COL9A1: variants seen among roughly 807,000 people sequenced by gnomAD.
The protein encoded by COL9A1 is collagen type IX alpha 1 chain, also known as collagen alpha-1(IX) chain.
Under a neutral mutation model 142.6 loss-of-function variants are expected in COL9A1, and 104 were observed. That is an observed-to-expected ratio of 0.73 (90% CI 0.62 to 0.86). The LOEUF is 0.86. Among genes scored for constraint, COL9A1 ranks in the 40% least tolerant of loss-of-function variants. The probability of loss-of-function intolerance (pLI) is 0.00; values close to 1 mark genes in which losing one functional copy is unlikely to be tolerated. For missense variants in COL9A1, 1,210 were observed against 1,176.6 expected (o/e 1.03, Z -0.42); for synonymous variants, 466 against 396.0 (o/e 1.18, Z -2.10).
intron 31 of COL9A1, 105 bp downstream of exon 31, chr6:70,241,314 G>C: frequency 1.1e-6 from 1 of 927,500 alleles, no homozygotes; most frequent in Admixed American, 1.7e-5. Context: ...AAAACTGTTA[G>C]CCTTCATGGT....
intron 10 of COL9A1, among the ~76,000 whole-genome samples, chr6:70,277,984 T>G (rs930675151): frequency 6.6e-6 from 1 of 152,200 alleles, no homozygotes; most frequent in Non-Finnish European, 1.5e-5. Context: ...TTACTGCATT[T>G]CATTATTCTC....
At chr6:70,277,903 A>G (rs1301130424) in intron 10 of COL9A1, among the ~76,000 whole-genome samples, 1 of 152,216 alleles carries the variant, frequency 6.6e-6, no homozygotes, top group Non-Finnish European at 1.5e-5. Context: ...CCAAGAAAGG[A>G]CTGTTGAAGC....
rs370460481 is a variant in COL9A1 at position 70,300,186 on chromosome 6, G to C, written c.167-11C>G. ...AGATCAGATCAAACCCTATAGAATG[G>C]GAATACAAAATGAAAAGTCTAAAAT... On this transcript the variant is annotated splice_polypyrimidine_tract_variant and intron_variant, in intron 3 of 37. Transcript: ENST00000357250. 6.2e-7 allele frequency: 1 copy of C among 1,613,360 alleles called. No homozygotes were observed. The highest frequency in any genetic ancestry group is 8.5e-7 in the Non-Finnish European group (1 of 1,179,730).
chr6:70,264,370 T>C (rs546566680), intron 18 of COL9A1, among the ~76,000 whole-genome samples: 1 of 152,162 alleles, frequency 6.6e-6, no homozygotes, highest in African/African-American at 2.4e-5. Context: ...TCTTGATTTT[T>C]TAAACAAATT....
intron 4 of COL9A1, 69 bp from the exon 5 acceptor site, chr6:70,294,632 C>T (rs547272994): frequency 1.4e-6 from 2 of 1,435,484 alleles, no homozygotes; most frequent in Non-Finnish European, 1.9e-6. Flanking sequence ...ACCACATTCC[C>T]TTTTGAGGCC....
chr6:70,277,003 C>G (rs992757030), intron 10 of COL9A1, among the ~76,000 whole-genome samples: 2 of 152,176 alleles, frequency 1.3e-5, no homozygotes, highest in Non-Finnish European at 2.9e-5. Flanking sequence ...CTACACTGAT[C>G]TTTTAGAATA....
chr6:70,271,659 G>T lies in COL9A1; in HGVS notation c.1139C>A (p.Pro380His). ...GLPGELGRVG[P>H]VGDPGRRGPP... ...AAAGTGCACTGTGGTACTCACAACA[G>T]GTCCTACACGGCCAAGCTCTCCAGG... Residue 380 changes from proline (P) to histidine (H), a missense_variant, in exon 14 of 38, where the codon CCT becomes CAT. Transcript: ENST00000357250. 1.9e-6 allele frequency: 3 copies of T among 1,613,734 alleles called. No individual in the cohort carries two copies. Among genetic ancestry groups the T allele is most frequent in the Non-Finnish European group, 2.5e-6 (3 of 1,179,718 alleles).
chr6:70,266,778 A>G lies in COL9A1; in HGVS notation c.1288-8T>C, dbSNP rs188976670. On this transcript the variant is annotated splice_polypyrimidine_tract_variant and splice_region_variant and intron_variant, in intron 17 of 37. Coordinates refer to ENST00000357250, the MANE Select transcript of COL9A1 (RefSeq NM_001851.6). Reference sequence around the variant, plus strand: ...TTTAGCCCCTTTATGACCCTAACAAATGCAAAATAAGTAATTGTCTTGAGT... The same window carrying G: ...TTTAGCCCCTTTATGACCCTAACAAGTGCAAAATAAGTAATTGTCTTGAGT... 6 of 1,611,606 alleles carry G rather than the reference A, an allele frequency of 3.7e-6. No homozygotes were observed. In the East Asian group the frequency reaches 1.1e-4, roughly 30 times the overall value.
At chr6:70,260,797 G>C in intron 19 of COL9A1, 87 bp from the exon 20 acceptor site, 1 of 1,261,848 alleles carries the variant, frequency 7.9e-7, no homozygotes, top group Non-Finnish European at 1.1e-6. Flanking sequence ...CTAGACAATG[G>C]ATATTATCAT....
At chr6:70,242,873 T>G (rs1037933648) in intron 28 of COL9A1, among the ~76,000 whole-genome samples, 158 bp from the exon 29 acceptor site, 25 of 152,266 alleles carry the variant, frequency 1.6e-4, no homozygotes, top group African/African-American at 5.8e-4. Context: ...TCATCTTGCA[T>G]TGAATGATTC....
At position 70,283,836 on chromosome 6, in the gene COL9A1, A is replaced by G. The variant is rs2127599962; in HGVS notation, c.697-16T>C. 6.3e-7 allele frequency: 1 copy of G among 1,589,296 alleles called. No individual in the cohort carries two copies. Among genetic ancestry groups the G allele is most frequent in the Non-Finnish European group, 8.6e-7 (1 of 1,164,232 alleles). On this transcript the variant is annotated splice_polypyrimidine_tract_variant and intron_variant, in intron 5 of 37. Coordinates refer to ENST00000357250, the MANE Select transcript of COL9A1 (RefSeq NM_001851.6). The stretch of plus-strand genomic sequence containing the variant: ...GAAGTTCAAACTGGAGAAAGGTAGT[A>G]GACAGTCAGGTAAGGTTTTTTGGAC...
intron 5 of COL9A1, among the ~76,000 whole-genome samples, chr6:70,286,735 T>C (rs1377571463): frequency 6.6e-6 from 1 of 152,160 alleles, no homozygotes; most frequent in Admixed American, 6.5e-5. Context: ...GCCTCAAAAT[T>C]AGAAAATTTC....
chr6:70,243,221 C>T (rs1770376865), intron 28 of COL9A1, among the ~76,000 whole-genome samples: 1 of 152,126 alleles, frequency 6.6e-6, no homozygotes, highest in African/African-American at 2.4e-5. Flanking sequence ...TTCAAAAAGA[C>T]ACAGATGGTA....
At position 70,281,014 on chromosome 6, in the gene COL9A1, G is replaced by C; in HGVS notation, c.902C>G (p.Pro301Arg). The stretch of plus-strand genomic sequence containing the variant: ...CTCCAATCAACTTACCGGGGGGCCC[G>C]GGGGGCCCTTAGGACCTCGGTCACC... ...IDGDRGPKGPPGPPGPAGEPG... is the reference protein window; with the variant it reads ...IDGDRGPKGPRGPPGPAGEPG... Residue 301 changes from proline (P) to arginine (R), a missense_variant, in exon 9 of 38, where the codon CCG becomes CGG. Transcript: ENST00000357250. 1 of 1,612,228 alleles carries C rather than the reference G, an allele frequency of 6.2e-7. No individual in the cohort carries two copies. Among genetic ancestry groups the C allele is most frequent in the Non-Finnish European group, 8.5e-7 (1 of 1,178,864 alleles).
At position 70,252,125 on chromosome 6, in the gene COL9A1, G is replaced by A. The variant is rs1235368685; in HGVS notation, c.1867C>T (p.Leu623Phe). 1 of 1,613,966 alleles carries A rather than the reference G, an allele frequency of 6.2e-7. No homozygotes were observed. Among genetic ancestry groups the A allele is most frequent in the Admixed American group, 1.7e-5 (1 of 60,008 alleles). The stretch of plus-strand genomic sequence containing the variant: ...GAACAGCAAGGAATACTCACAGGAA[G>A]CCCCTGGGGTCCTCGGGGTCCCACC... ...GEVGPRGPQG[L>F]PGSRGELGPV... Residue 623 changes from leucine to phenylalanine, a missense_variant, in exon 28 of 38, where the codon CTT becomes TTT. Coordinates refer to ENST00000357250, the MANE Select transcript of COL9A1 (RefSeq NM_001851.6).
Position 70,281,045 on chromosome 6 carries a change from G to A in COL9A1, c.877-6C>T, listed in dbSNP as rs769456232. On this transcript the variant is annotated splice_region_variant and splice_polypyrimidine_tract_variant and intron_variant, in intron 8 of 37. Coordinates refer to ENST00000357250, the MANE Select transcript of COL9A1 (RefSeq NM_001851.6). Reference sequence around the variant, plus strand: ...CCCTTAGGACCTCGGTCACCCTGGAGGGGTAGGAGAAAAAGAGAGAGCAGT... The same window carrying A: ...CCCTTAGGACCTCGGTCACCCTGGAAGGGTAGGAGAAAAAGAGAGAGCAGT... The A allele has an allele frequency of 3.7e-6, 6 of 1,608,474 alleles. No individual in the cohort carries two copies. Among genetic ancestry groups the A allele is most frequent in the Admixed American group, 1.7e-5 (1 of 58,828 alleles).
intron 5 of COL9A1, among the ~76,000 whole-genome samples, chr6:70,287,205 A>G (rs1282208789): frequency 1.3e-5 from 2 of 152,210 alleles, no homozygotes; most frequent in African/African-American, 4.8e-5. Flanking sequence ...TACAACAACA[A>G]GTCCCAAGGG....
rs557560348 is a variant in COL9A1 at position 70,268,642 on chromosome 6, A to G, written c.1287+162T>C. The stretch of plus-strand genomic sequence containing the variant: ...AACCTCCATGTCTTGGTAGGAATAC[A>G]GGAATACATGTCAAGGGCAACTGGA... On this transcript the variant is annotated intron_variant, in intron 17 of 37. Coordinates refer to ENST00000357250, the MANE Select transcript of COL9A1 (RefSeq NM_001851.6). Among the ~76,000 whole-genome samples, 32 of 152,374 alleles carry G rather than the reference A, an allele frequency of 2.1e-4. 1 individual carries two copies. In the South Asian group the frequency reaches 6.4e-3, roughly 31 times the overall value.
At chr6:70,261,953 A>T (rs1013980486) in intron 19 of COL9A1, among the ~76,000 whole-genome samples, 1 of 152,140 alleles carries the variant, frequency 6.6e-6, no homozygotes, top group Non-Finnish European at 1.5e-5. Flanking sequence ...TAAATTTGGC[A>T]TACCTATTCC....
Sources: gnomAD v4.1 joint callset for allele counts (sites outside exome capture counted in the v4.1 genomes callset) on GRCh38, gnomAD v4.1.1 for gene constraint, MANE v1.5 for transcripts, NCBI Gene and HGNC (gene_info 2026-07-23, HGNC 2026-07-21) for gene names.